Variants in ARHGAP32 observed in about 807,000 individuals in gnomAD.
ARHGAP32 encodes the protein Rho GTPase activating protein 32.
A neutral mutation model predicts 186.5 loss-of-function variants in ARHGAP32; 51 were observed. The ratio of observed to expected loss-of-function variants is 0.27; its 90% CI spans 0.22 to 0.35. The LOEUF (loss-of-function observed/expected upper bound fraction) is 0.35. ARHGAP32 is among the 10% of genes least tolerant of loss of function. ARHGAP32 has a pLI of 1.00. For synonymous variants in ARHGAP32, 950 were observed against 964.3 expected (o/e 0.99, Z 0.27); for missense variants, 2,186 against 2,623.5 (o/e 0.83, Z 3.64).
intron 3 of ARHGAP32, among the ~76,000 whole-genome samples, chr11:129,124,337 A>G (rs144642980): frequency 1.2e-4 from 18 of 152,302 alleles, no homozygotes; most frequent in African/African-American, 3.4e-4. Flanking sequence ...TTGGCACTCA[A>G]AAAGTTTCAC....
At chr11:129,037,992 T>C (rs1485554555) in intron 11 of ARHGAP32, among the ~76,000 whole-genome samples, 9 of 151,592 alleles carry the variant, frequency 5.9e-5, no homozygotes, top group Admixed American at 5.9e-4. Flanking sequence ...TCCCAGCTAC[T>C]CCGGAGGCTG....
At chr11:129,073,770 A>AAAC (rs1231440466) in intron 6 of ARHGAP32, among the ~76,000 whole-genome samples, 1 of 148,238 alleles carries the variant, frequency 6.7e-6, no homozygotes, top group Non-Finnish European at 1.5e-5. Flanking sequence ...AACAAACAAA[A>AAAC]AACAACAACA....
chr11:129,271,157 T>C (rs1945467345), intron 1 of ARHGAP32, among the ~76,000 whole-genome samples: 1 of 152,146 alleles, frequency 6.6e-6, no homozygotes, highest in East Asian at 1.9e-4. Flanking sequence ...ACGTTTAACA[T>C]TATTTTGGCT....
chr11:128,984,831 T>C (rs1026663675), intron 15 of ARHGAP32, among the ~76,000 whole-genome samples: 2 of 152,162 alleles, frequency 1.3e-5, no homozygotes, highest in African/African-American at 4.8e-5. Flanking sequence ...ATATGCAGTG[T>C]ATATTATTGA....
At chr11:129,177,229 TA>T (rs1241752335) in intron 1 of ARHGAP32, among the ~76,000 whole-genome samples, 1 of 152,114 alleles carries the variant, frequency 6.6e-6, no homozygotes, top group Non-Finnish European at 1.5e-5. Context: ...CTACCAAGAC[TA>T]AACCAGGAAG....
chr11:129,142,041 T>TA (rs1438331234), intron 2 of ARHGAP32, among the ~76,000 whole-genome samples: 2 of 148,490 alleles, frequency 1.3e-5, no homozygotes, highest in African/African-American at 4.9e-5. Context: ...AGAACAAGAA[T>TA]AAAAATGCTT....
At chr11:129,160,345 A>T (rs916512499) in intron 2 of ARHGAP32, among the ~76,000 whole-genome samples, 1 of 151,942 alleles carries the variant, frequency 6.6e-6, no homozygotes, top group Non-Finnish European at 1.5e-5. Flanking sequence ...TTGTATATTT[A>T]AAAAACCCCA....
At chr11:129,139,919 C>A (rs724399) in intron 2 of ARHGAP32, among the ~76,000 whole-genome samples, 23,046 of 152,094 alleles carry the variant, frequency 0.15, 2,110 homozygotes, top group African/African-American at 0.26. Flanking sequence ...AAGAGGGTCT[C>A]CCTTGCCCCC....
At chr11:129,219,131 A>G (rs1944681884) in intron 1 of ARHGAP32, among the ~76,000 whole-genome samples, 1 of 152,212 alleles carries the variant, frequency 6.6e-6, no homozygotes, top group South Asian at 2.1e-4. Context: ...ACCTCAGATT[A>G]TGATCTTGAG....
chr11:129,136,364 C>G (rs369759344), intron 2 of ARHGAP32, among the ~76,000 whole-genome samples: 3 of 152,020 alleles, frequency 2.0e-5, no homozygotes, highest in African/African-American at 7.2e-5. Flanking sequence ...CTGAGAGGTA[C>G]TCAAGAGAGA....
At chr11:129,206,916 C>T (rs1160909886) in intron 1 of ARHGAP32, among the ~76,000 whole-genome samples, 2 of 152,060 alleles carry the variant, frequency 1.3e-5, no homozygotes, top group Non-Finnish European at 2.9e-5. Flanking sequence ...CCCCTCACCC[C>T]CCAACAGGCC....
At chr11:128,980,395 GGTAA>G (rs1037259988) in intron 18 of ARHGAP32, 154 bp downstream of exon 18, 2 of 500,466 alleles carry the variant, frequency 4.0e-6, no homozygotes, top group African/African-American at 2.0e-5. Flanking sequence ...CCCATGAAGC[GGTAA>G]GTATCATCCA....
chr11:129,037,644 T>C (rs1045357713), intron 11 of ARHGAP32, among the ~76,000 whole-genome samples: 1 of 151,912 alleles, frequency 6.6e-6, no homozygotes, highest in Non-Finnish European at 1.5e-5. Flanking sequence ...TCCTACTCTG[T>C]AGAAACTGAC....
At chr11:129,154,184 C>T (rs1943351772) in intron 2 of ARHGAP32, among the ~76,000 whole-genome samples, 1 of 152,262 alleles carries the variant, frequency 6.6e-6, no homozygotes, top group South Asian at 2.1e-4. Flanking sequence ...AATGAGATAA[C>T]TTCTTACTTC....
intron 12 of ARHGAP32, among the ~76,000 whole-genome samples, chr11:128,992,810 T>G (rs1946097499): frequency 6.6e-6 from 1 of 151,916 alleles, no homozygotes; most frequent in South Asian, 2.1e-4. Context: ...AACAAAAGGA[T>G]GCCAAAGTAA....
At chr11:129,245,656 AAATAATAAT>A (rs56047154) in intron 1 of ARHGAP32, among the ~76,000 whole-genome samples, 30,705 of 146,010 alleles carry the variant, frequency 0.21, 3,555 homozygotes, top group South Asian at 0.38. Context: ...CAACAGATTA[AAATAATAAT>A]AATAATAATA....
intron 6 of ARHGAP32, among the ~76,000 whole-genome samples, chr11:129,084,628 C>T (rs1941323520): frequency 6.6e-6 from 1 of 152,108 alleles, no homozygotes; most frequent in South Asian, 2.1e-4. Flanking sequence ...AAAAAACTCT[C>T]AGCAAACCAG....
intron 10 of ARHGAP32, among the ~76,000 whole-genome samples, chr11:129,057,528 A>C (rs1789548491): frequency 6.6e-6 from 1 of 151,946 alleles, no homozygotes. Flanking sequence ...TAACCCCCAG[A>C]AACTCAGGAT....
At position 129,143,973 on chromosome 11, in the gene ARHGAP32, T is replaced by A. The variant is rs567680846; in HGVS notation, c.226-19079A>T. ...TGGGGGTCTTGGAACATATTCCCCT[T>A]GGATGGAAGGAAACTATTGTACCAT... On this transcript the variant is annotated intron_variant, in intron 2 of 22. Transcript: ENST00000682385. Among the ~76,000 whole-genome samples, 6 of 152,314 alleles carry A rather than the reference T, an allele frequency of 3.9e-5. No homozygotes were observed. In the East Asian group the frequency reaches 1.2e-3, roughly 29 times the overall value.
Sources: gnomAD v4.1 joint callset for allele counts (sites outside exome capture counted in the v4.1 genomes callset) on GRCh38, gnomAD v4.1.1 for gene constraint, MANE v1.5 for transcripts, NCBI Gene and HGNC (gene_info 2026-07-23, HGNC 2026-07-21) for gene names.